The following TFDP1 variants were observed in gnomAD, a reference collection of about 807,000 sequenced individuals.
TFDP1 encodes transcription factor Dp-1, also known as DRTF1-polypeptide 1.
A neutral mutation model predicts 48.0 loss-of-function variants in TFDP1; 6 were observed. The ratio of observed to expected loss-of-function variants is 0.13; its 90% CI spans 0.07 to 0.25. The LOEUF is 0.25. TFDP1 is among the 10% of genes least tolerant of loss of function. TFDP1 has a pLI of 1.00. For synonymous variants in TFDP1, 201 were observed against 211.6 expected (o/e 0.95, Z 0.44); for missense variants, 335 against 543.0 (o/e 0.62, Z 3.81).
In TFDP1 at chr13:113,633,240, T is replaced by C; in HGVS notation, c.429T>C (p.Val143=). The change falls in exon 6 of 12, where the codon GTT becomes GTC. Residue 143 remains valine (V), a synonymous_variant. Transcript: ENST00000375370. The surrounding 1 kb of genome is among the most constrained non-coding windows in gnomAD (Gnocchi z 4.5). ...ACAACGAAGTGGCAGACGAGCTGGTTGCGGAGTTCAGTGCTGCCGACAACC... is the reference window on the plus strand; with the variant it reads ...ACAACGAAGTGGCAGACGAGCTGGTCGCGGAGTTCAGTGCTGCCGACAACC... ...TSYNEVADEL[V]AEFSAADNHI... 6 of 1,614,020 alleles carry C rather than the reference T, an allele frequency of 3.7e-6. No homozygotes were observed. The highest frequency in any genetic ancestry group is 1.7e-4 in the Middle Eastern group (1 of 5,948).
At chr13:113,613,664 TGA>T (rs569843563) in intron 3 of TFDP1, among the ~76,000 whole-genome samples, 51 of 147,584 alleles carry the variant, frequency 3.5e-4, no homozygotes, top group African/African-American at 1.1e-3. Flanking sequence ...TGCGTGGGTA[TGA>T]GTGTGTGTGT....
At chr13:113,625,634 TCTCTCACGTG>T (rs2049138921) in intron 4 of TFDP1, among the ~76,000 whole-genome samples, 1 of 128,592 alleles carries the variant, frequency 7.8e-6, no homozygotes, top group East Asian at 2.5e-4. Context: ...TCCTCAGGCG[TCTCTCACGTG>T]TCCTCAGGCG....
chr13:113,609,656 T>G (rs1317789727), intron 2 of TFDP1, among the ~76,000 whole-genome samples: 1 of 151,800 alleles, frequency 6.6e-6, no homozygotes, highest in Admixed American at 6.6e-5. Context: ...TCTTGGCGTC[T>G]CCTTGTTCCC....
chr13:113,625,251 G>C (rs2049112732), intron 4 of TFDP1, among the ~76,000 whole-genome samples: 1 of 87,790 alleles, frequency 1.1e-5, no homozygotes, highest in African/African-American at 5.7e-5. Context: ...GTGTCTCTCA[G>C]GGTATCTCTC....
intron 10 of TFDP1, chr13:113,637,323 G>GT: frequency 5.3e-5 from 16 of 304,144 alleles, no homozygotes; most frequent in East Asian, 9.4e-5. Context: ...TTCCCTGAGA[G>GT]GGTCAGAGAT....
chr13:113,597,372 G>A (rs921813347), intron 2 of TFDP1, among the ~76,000 whole-genome samples: 1 of 152,216 alleles, frequency 6.6e-6, no homozygotes. Context: ...CTTCCCTGAG[G>A]CCCCAGGCCT....
intron 2 of TFDP1, among the ~76,000 whole-genome samples, chr13:113,608,177 C>T (rs2048616469): frequency 6.6e-6 from 1 of 152,174 alleles, no homozygotes; most frequent in African/African-American, 2.4e-5. Flanking sequence ...GAGGAGCAGC[C>T]CCCACTCTGT....
rs75552604 is a variant in TFDP1, at chr13:113,591,954, C to T, written c.12+6105C>T. 2.6e-4 allele frequency among the ~76,000 whole-genome samples: 40 copies of T among 152,330 alleles called. No individual in the cohort carries two copies. The East Asian group carries it at 6.6e-3, about 25-fold the overall frequency. ...TGTAGCCCAAGCCTGGAAAAGCATC[C>T]GCCCTTTGTACCTTTTTCCCGACTG... On this transcript the variant is annotated intron_variant, in intron 2 of 11. Transcript: ENST00000375370.
intron 2 of TFDP1, among the ~76,000 whole-genome samples, chr13:113,610,347 CCCCA>C (rs1483225053): frequency 2.0e-5 from 3 of 151,664 alleles, no homozygotes; most frequent in Non-Finnish European, 4.4e-5. Context: ...ATGCGTGTGC[CCCCA>C]CCGTGTGCTG....
At chr13:113,588,543 C>T (rs1293901307) in intron 2 of TFDP1, among the ~76,000 whole-genome samples, 1 of 152,194 alleles carries the variant, frequency 6.6e-6, no homozygotes, top group African/African-American at 2.4e-5. Context: ...GGGGTGTCAT[C>T]TTTGAACAGC....
intron 3 of TFDP1, among the ~76,000 whole-genome samples, chr13:113,617,493 G>C (rs1429808695): frequency 6.6e-6 from 1 of 151,616 alleles, no homozygotes; most frequent in East Asian, 1.9e-4. Flanking sequence ...TTCACCTGCA[G>C]AACCGTTCAC....
At chr13:113,625,779 G>A (rs1436302906) in intron 4 of TFDP1, among the ~76,000 whole-genome samples, 8 of 123,606 alleles carry the variant, frequency 6.5e-5, no homozygotes, top group South Asian at 2.9e-4. Context: ...CGTCTCTCAC[G>A]TGTCCTCAGG....
intron 2 of TFDP1, among the ~76,000 whole-genome samples, chr13:113,591,183 C>T (rs2048135593): frequency 6.7e-6 from 1 of 149,784 alleles, no homozygotes; most frequent in South Asian, 2.1e-4. Context: ...CTCTACTAAA[C>T]ATACAGAAAT....
rs1013759209 is a variant in TFDP1, at chr13:113,607,671, C to T, written c.13-3325C>T. Reference sequence around the variant, plus strand: ...CCTTAGACTTCCTGGAAGGGCCGCCCGGGTCCACAACCTGGCCCGTTAACT... The same window carrying T: ...CCTTAGACTTCCTGGAAGGGCCGCCTGGGTCCACAACCTGGCCCGTTAACT... On this transcript the variant is annotated intron_variant, in intron 2 of 11. Coordinates refer to ENST00000375370, the MANE Select transcript of TFDP1 (RefSeq NM_007111.5). The surrounding 1 kb of genome is among the most constrained non-coding windows in gnomAD (Gnocchi z 5.2). 6.6e-6 allele frequency among the ~76,000 whole-genome samples: 1 copy of T among 152,196 alleles called. No individual in the cohort carries two copies. Among genetic ancestry groups the T allele is most frequent in the African/African-American group, 2.4e-5 (1 of 41,446 alleles).
chr13:113,636,153 C>T (rs776455103), intron 9 of TFDP1, 25 bp downstream of exon 9: 9 of 1,611,342 alleles, frequency 5.6e-6, no homozygotes, highest in South Asian at 1.1e-5. Flanking sequence ...GGGAGCTGTT[C>T]CCTGGTCACC....
intron 2 of TFDP1, among the ~76,000 whole-genome samples, chr13:113,604,818 G>T (rs1451040947): frequency 6.6e-6 from 1 of 152,230 alleles, no homozygotes; most frequent in South Asian, 2.1e-4. Flanking sequence ...ACGTTACAGC[G>T]GGGGTCTGGT....
intron 2 of TFDP1, among the ~76,000 whole-genome samples, chr13:113,594,004 G>A (rs953761200): frequency 7.3e-6 from 1 of 136,292 alleles, no homozygotes; most frequent in Non-Finnish European, 1.6e-5. Flanking sequence ...TCCTCACCCT[G>A]CCCAGGTGAC....
At chr13:113,617,640 C>T (rs977748920) in intron 3 of TFDP1, among the ~76,000 whole-genome samples, 5 of 150,310 alleles carry the variant, frequency 3.3e-5, no homozygotes, top group African/African-American at 7.4e-5. Context: ...ACCTGCAGAG[C>T]CGCTCACCTG....
chr13:113,638,019 C>A, intron 11 of TFDP1, 123 bp downstream of exon 11: 1 of 1,351,290 alleles, frequency 7.4e-7, no homozygotes, highest in South Asian at 1.4e-5. Flanking sequence ...CGTGGCTTGT[C>A]TGTCCAGGCA....
Sources: allele counts gnomAD v4.1 joint callset (sites outside exome capture counted in the v4.1 genomes callset), GRCh38; gene constraint gnomAD v4.1.1; non-coding constraint Gnocchi (gnomAD v3.1); transcripts MANE v1.5; gene names NCBI Gene and HGNC (gene_info 2026-07-23, HGNC 2026-07-21).